The following GPR153 variants were observed in gnomAD, a reference collection of about 807,000 sequenced individuals.
The protein encoded by GPR153 is probable G protein-coupled receptor 153.
GPR153 carries 27 observed loss-of-function variants against 34.1 expected under a neutral mutation model. The observed-to-expected ratio is 0.79, with a 90% confidence interval of 0.58 to 1.09. The LOEUF (loss-of-function observed/expected upper bound fraction) is 1.09, where lower values mean the gene tolerates loss of function less well. Ranked by LOEUF, GPR153 falls within the 50% of genes least tolerant of loss-of-function variation. The probability of loss-of-function intolerance (pLI) is 0.00; values close to 1 mark genes in which losing one functional copy is unlikely to be tolerated. For missense variants in GPR153, 848 were observed against 860.2 expected (o/e 0.99, Z 0.18); for synonymous variants, 408 against 405.4 (o/e 1.01, Z -0.08).
At position 6,251,001 on chromosome 1, in the gene GPR153, G is replaced by C. The variant is rs1638436461; in HGVS notation, c.979+337C>G. 6.6e-6 allele frequency among the ~76,000 whole-genome samples: 1 copy of C among 152,166 alleles called. No individual in the cohort carries two copies. The highest frequency in any genetic ancestry group is 1.5e-5 in the Non-Finnish European group (1 of 68,020). ...ATCCAGACAGGACCTCGGTCTGCAG[G>C]AGCCCCCAGGGCAGCTTGCTGGGGA... is the stretch of plus-strand genomic sequence containing the variant. On this transcript the variant is annotated intron_variant, in intron 4 of 5. Coordinates refer to ENST00000377893, the MANE Select transcript of GPR153 (RefSeq NM_207370.4). This position sits in a 1 kb window ranked among gnomAD's most constrained non-coding sequence, Gnocchi z 4.9.
intron 1 of GPR153, 43 bp from the exon 2 acceptor site, chr1:6,255,057 G>A (rs1638536511): frequency 1.8e-6 from 1 of 563,304 alleles, no homozygotes; most frequent in Non-Finnish European, 3.1e-6. Flanking sequence ...TTCCTCTCTG[G>A]CGACAGCGTT....
chr1:6,250,414 G>C lies in GPR153; in HGVS notation c.1164+26C>G, dbSNP rs768646042. On this transcript the variant is annotated intron_variant, in intron 5 of 5. Coordinates refer to ENST00000377893, the MANE Select transcript of GPR153 (RefSeq NM_207370.4). ...AGGACACCCTGTCACCCGCAGGTGC[G>C]GCCTCTCCCCCAGCCCTGCGCTCAC... 2.7e-5 allele frequency: 41 copies of C among 1,545,326 alleles called. 1 individual carries two copies. The East Asian group carries it at 9.8e-4, about 37-fold the overall frequency.
rs999565649 is a variant in GPR153 at position 6,249,421 on chromosome 1, TGCC to T, written c.1744_1746del (p.Gly582del). On this transcript the variant is annotated inframe_deletion, in exon 6 of 6. Coordinates refer to ENST00000377893, the MANE Select transcript of GPR153 (RefSeq NM_207370.4). The surrounding 1 kb of genome is among the most constrained non-coding windows in gnomAD (Gnocchi z 4.3). ...GGGGAACTCAGGAAGCTGCTGGTGC[TGCC>T]GCCGCCGCCCGCCGCGCGCAGCCCC... 1.4e-5 allele frequency: 19 copies of T among 1,361,930 alleles called. No homozygotes were observed. Among genetic ancestry groups the T allele is most frequent in the South Asian group, 8.6e-5 (5 of 58,024 alleles). The allele number at this position is 1,361,930 out of a possible 1,614,324, so 84.4% of individuals were successfully genotyped here. A position where few individuals can be genotyped will look rare whatever the true frequency, so the allele number is the denominator to read the frequency against.
chr1:6,250,432 G>A lies in GPR153; in HGVS notation c.1164+8C>T. On this transcript the variant is annotated splice_region_variant and intron_variant, in intron 5 of 5. Coordinates refer to ENST00000377893, the MANE Select transcript of GPR153 (RefSeq NM_207370.4). ...CAGGTGCGGCCTCTCCCCCAGCCCT[G>A]CGCTCACCTGCAGGTATTGCATCTT... 1 of 1,574,490 alleles carries A rather than the reference G, an allele frequency of 6.4e-7. No individual in the cohort carries two copies. Among genetic ancestry groups the A allele is most frequent in the Non-Finnish European group, 8.6e-7 (1 of 1,159,862 alleles).
At position 6,249,099 on chromosome 1, in the gene GPR153, A is replaced by T. The variant is rs1172227255; in HGVS notation, c.*239T>A. On this transcript the variant is annotated 3_prime_UTR_variant, in exon 6 of 6. Transcript: ENST00000377893. This position sits in a 1 kb window ranked among gnomAD's most constrained non-coding sequence, Gnocchi z 4.3. ...AGCTTGGGATGTCACTCAGCTCCCC[A>T]GGCCCGACCTCACTCGGCCCGGGAC... The T allele has an allele frequency of 1.1e-5, 4 of 366,254 alleles. No homozygotes were observed. Among genetic ancestry groups the T allele is most frequent in the Non-Finnish European group, 1.9e-5 (4 of 206,064 alleles). The allele number at this position is 366,254 out of a possible 1,614,324, so 22.7% of individuals were successfully genotyped here.
At position 6,254,999 on chromosome 1, in the gene GPR153, T is replaced by TC; in HGVS notation, c.-95_-94insG. ...CTCACTCCTGGTGGCTCAAGGATGCTGGGGACCACGAGCATCTGTGGGGGG... is the reference window on the plus strand; with the variant it reads ...CTCACTCCTGGTGGCTCAAGGATGCTCGGGGACCACGAGCATCTGTGGGGGG... On this transcript the variant is annotated 5_prime_UTR_variant, in exon 2 of 6. An upstream open reading frame in the 5' UTR loses its in-frame stop. Transcript: ENST00000377893. The TC allele has an allele frequency of 1.1e-6, 1 of 922,178 alleles. No homozygotes were observed. The highest frequency in any genetic ancestry group is 1.6e-6 in the Non-Finnish European group (1 of 638,978). 57.1% of individuals were successfully genotyped at this position (922,178 alleles called of 1,614,324 possible).
intron 3 of GPR153, 35 bp downstream of exon 3, chr1:6,253,683 A>T: frequency 6.6e-7 from 1 of 1,506,664 alleles, no homozygotes; most frequent in Non-Finnish European, 8.9e-7. Flanking sequence ...GGGCTGTCCC[A>T]GAGACAGGCC....
intron 1 of GPR153, among the ~76,000 whole-genome samples, chr1:6,260,579 C>A (rs1638654077): frequency 6.6e-6 from 1 of 151,926 alleles, no homozygotes; most frequent in Non-Finnish European, 1.5e-5. Flanking sequence ...CCGCCCCCGT[C>A]CCCTGAGAAG....
chr1:6,254,646 A>G lies in GPR153; in HGVS notation c.260T>C (p.Val87Ala), dbSNP rs1370552631. ...CAGGGTGAGGGTGTAGAAGGTGGAC[A>G]CGAAGACCTTGCAGAGACCCTCATT... ...EWNEGLCKVF[V>A]STFYTLTLAT... The change falls in exon 2 of 6, where the codon GTG (valine) becomes GCG (alanine). Residue 87 changes from valine to alanine, a missense_variant. Transcript: ENST00000377893. The G allele has an allele frequency of 2.5e-6, 4 of 1,613,768 alleles. No homozygotes were observed. The highest frequency in any genetic ancestry group is 3.4e-6 in the Non-Finnish European group (4 of 1,179,824).
At chr1:6,257,104 GC>G (rs929578857) in intron 1 of GPR153, among the ~76,000 whole-genome samples, 2 of 152,218 alleles carry the variant, frequency 1.3e-5, no homozygotes, top group African/African-American at 4.8e-5. Flanking sequence ...TCCAAGGTGG[GC>G]CCAGATGGGC....
Position 6,251,371 on chromosome 1 carries a change from C to T in GPR153, c.946G>A (p.Ala316Thr). 2 of 1,612,250 alleles carry T rather than the reference C, an allele frequency of 1.2e-6. No homozygotes were observed. Among genetic ancestry groups the T allele is most frequent in the Non-Finnish European group, 1.7e-6 (2 of 1,179,102 alleles). The change falls in exon 4 of 6, where the codon GCC (alanine) becomes ACC (threonine). Residue 316 changes from alanine (A) to threonine (T), a missense_variant. By Grantham distance (58) the Ala-to-Thr change is moderately conservative. Transcript: ENST00000377893. The surrounding 1 kb of genome is among the most constrained non-coding windows in gnomAD (Gnocchi z 4.9). ...DLKAVREKCM[A>T]LMANDEESDD... ...GACTCCTCGTCGTTGGCCATGAGGG[C>T]CATGCACTTCTCCCGGACAGCTTTG...
chr1:6,249,979 G>T lies in GPR153; in HGVS notation c.1189C>A (p.His397Asn), dbSNP rs1638404724. 7.8e-7 allele frequency: 1 copy of T among 1,273,894 alleles called. No homozygotes were observed. The highest frequency in any genetic ancestry group is 1.0e-6 in the Non-Finnish European group (1 of 1,004,126). The allele number at this position is 1,273,894 out of a possible 1,614,324, so 78.9% of individuals were successfully genotyped here. Residue 397 changes from histidine (H) to asparagine (N), a missense_variant, in exon 6 of 6, where the codon CAC becomes AAC. His to Asn is a moderately conservative substitution (Grantham distance 68). Transcript: ENST00000377893. This position sits in a 1 kb window ranked among gnomAD's most constrained non-coding sequence, Gnocchi z 4.3. The part of the protein sequence containing the change: ...LQVPPTRRFS[H>N]DDADVWAAVP... ...GCGGCCCACACGTCCGCATCGTCGT[G>T]GGAGAAGCGCCGCGTGGGCGGGACC... is the stretch of plus-strand genomic sequence containing the variant.
chr1:6,249,284 G>A lies in GPR153; in HGVS notation c.*54C>T, dbSNP rs1638375771. 3 of 1,196,190 alleles carry A rather than the reference G, an allele frequency of 2.5e-6. No homozygotes were observed. Among genetic ancestry groups the A allele is most frequent in the African/African-American group, 3.2e-5 (2 of 63,296 alleles). The allele number at this position is 1,196,190 out of a possible 1,614,324, so 74.1% of individuals were successfully genotyped here. A position where few individuals can be genotyped will look rare whatever the true frequency, so the allele number is the denominator to read the frequency against. ...CGGAGGCGGGCGTCTTTGGTGCTGC[G>A]GCCCCGGAGAGCGGCCTGGCCTGCC... is the stretch of plus-strand genomic sequence containing the variant. On this transcript the variant is annotated 3_prime_UTR_variant, in exon 6 of 6. Transcript: ENST00000377893. The surrounding 1 kb of genome is among the most constrained non-coding windows in gnomAD (Gnocchi z 4.3).
rs1215094489 is a variant in GPR153, at chr1:6,249,403, T to C, written c.1765A>G (p.Ser589Gly). The C allele has an allele frequency of 7.2e-7, 1 of 1,380,860 alleles. No homozygotes were observed. Among genetic ancestry groups the C allele is most frequent in the Non-Finnish European group, 9.3e-7 (1 of 1,072,340 alleles). 85.5% of individuals were successfully genotyped at this position (1,380,860 alleles called of 1,614,324 possible). ...TAGCCCGAGGACTCGGAGGGGGAACTCAGGAAGCTGCTGGTGCTGCCGCCG... is the reference window on the plus strand; with the variant it reads ...TAGCCCGAGGACTCGGAGGGGGAACCCAGGAAGCTGCTGGTGCTGCCGCCG... Reference protein sequence around the residue: ...GGGGSTSSFLSSPSESSGYAT... With the variant: ...GGGGSTSSFLGSPSESSGYAT... Residue 589 changes from serine to glycine, a missense_variant, in exon 6 of 6, where the codon AGT (serine) becomes GGT (glycine). Coordinates refer to ENST00000377893, the MANE Select transcript of GPR153 (RefSeq NM_207370.4). The surrounding 1 kb of genome is among the most constrained non-coding windows in gnomAD (Gnocchi z 4.3).
chr1:6,256,903 T>C (rs1360695409), intron 1 of GPR153, among the ~76,000 whole-genome samples: 1 of 152,220 alleles, frequency 6.6e-6, no homozygotes, highest in Non-Finnish European at 1.5e-5. Context: ...CCATGACCTA[T>C]CTGGCCCTGG....
rs1409832846 is a variant in GPR153, at chr1:6,254,014, T to C, written c.490A>G (p.Ile164Val). 2 of 1,613,384 alleles carry C rather than the reference T, an allele frequency of 1.2e-6. No individual in the cohort carries two copies. The highest frequency in any genetic ancestry group is 2.7e-5 in the African/African-American group (2 of 74,944). The change falls in exon 3 of 6, where the codon ATC becomes GTC. Residue 164 changes from isoleucine to valine, a missense_variant. Ile to Val is a conservative substitution (Grantham distance 29, BLOSUM62 3). Transcript: ENST00000377893. ...ERFYTHGCRF[I>V]VAEIGLGFGV... ...AAGCCCAGGCCGATCTCAGCCACGA[T>C]GAAGCGGCAGCCATGGGTGTAGAAG...
chr1:6,253,469 T>C (rs936996264), intron 3 of GPR153, among the ~76,000 whole-genome samples: 1 of 152,232 alleles, frequency 6.6e-6, no homozygotes, highest in Non-Finnish European at 1.5e-5. Flanking sequence ...TAAACTCTTC[T>C]GCACTGTAGC....
In GPR153 at chr1:6,248,828, C is replaced by T. The variant is rs564859655; in HGVS notation, c.*510G>A. On this transcript the variant is annotated 3_prime_UTR_variant, in exon 6 of 6. Transcript: ENST00000377893. The stretch of plus-strand genomic sequence containing the variant: ...AACCTGATCAAAGCTTGTTCGGGCT[C>T]TGAACACCCCTGTGCTTAGAGACCC... 2 of 152,648 alleles carry T rather than the reference C, an allele frequency of 1.3e-5. No homozygotes were observed. The highest frequency in any genetic ancestry group is 4.8e-5 in the African/African-American group (2 of 41,500). 9.5% of individuals were successfully genotyped at this position (152,648 alleles called of 1,614,324 possible).
rs1571235670 is a variant in GPR153 at position 6,248,954 on chromosome 1, G to C, written c.*384C>G. 5.8e-6 allele frequency: 1 copy of C among 171,824 alleles called. No homozygotes were observed. Among genetic ancestry groups the C allele is most frequent in the Non-Finnish European group, 1.2e-5 (1 of 81,478 alleles). The allele number at this position is 171,824 out of a possible 1,614,324, so 10.6% of individuals were successfully genotyped here. On this transcript the variant is annotated 3_prime_UTR_variant, in exon 6 of 6. Coordinates refer to ENST00000377893, the MANE Select transcript of GPR153 (RefSeq NM_207370.4). ...GGCTCCAGCTCAGCCTCTCCAAAGC[G>C]GGGCTTTGTCCGATCCCGCAGTGGC...
Sources: allele counts gnomAD v4.1 joint callset (sites outside exome capture counted in the v4.1 genomes callset), GRCh38; gene constraint gnomAD v4.1.1; non-coding constraint Gnocchi (gnomAD v3.1); transcripts MANE v1.5; gene names NCBI Gene and HGNC (gene_info 2026-07-23, HGNC 2026-07-21).